Variants in INVS observed in about 807,000 individuals in gnomAD.
INVS encodes the protein inversion of embryo turning homolog.
Under a neutral mutation model 108.8 loss-of-function variants are expected in INVS, and 86 were observed. That is an observed-to-expected ratio of 0.79 (90% CI 0.66 to 0.95). The LOEUF is 0.95. Ranked by LOEUF, INVS falls within the 40% of genes least tolerant of loss-of-function variation. The probability of loss-of-function intolerance (pLI) is 0.00; values close to 1 mark genes in which losing one functional copy is unlikely to be tolerated. For synonymous variants in INVS, 455 were observed against 473.5 expected (o/e 0.96, Z 0.51); for missense variants, 1,169 against 1,297.4 (o/e 0.90, Z 1.52).
intron 3 of INVS, among the ~76,000 whole-genome samples, chr9:100,162,996 G>A (rs1262087803): frequency 6.6e-6 from 1 of 152,084 alleles, no homozygotes; most frequent in Non-Finnish European, 1.5e-5. Flanking sequence ...CACAATGTCT[G>A]TTGGACACTT....
At chr9:100,148,545 C>G (rs756778246) in intron 3 of INVS, among the ~76,000 whole-genome samples, 8 of 152,136 alleles carry the variant, frequency 5.3e-5, no homozygotes, top group Non-Finnish European at 1.0e-4. Flanking sequence ...AAGCACCAGA[C>G]AAATTACTCT....
At chr9:100,175,460 G>C in intron 3 of INVS, 3 of 878,408 alleles carry the variant, frequency 3.4e-6, no homozygotes, top group Non-Finnish European at 1.9e-6. Flanking sequence ...CCACCCAGCT[G>C]TGTGTACTCA....
chr9:100,170,393 C>CAA (rs10585469), intron 3 of INVS, among the ~76,000 whole-genome samples: 2 of 122,778 alleles, frequency 1.6e-5, no homozygotes, highest in African/African-American at 3.0e-5. Flanking sequence ...CCTGTCTGTA[C>CAA]AAAAAAAAAA....
chr9:100,171,695 C>CCACT (rs1337110776), intron 3 of INVS, among the ~76,000 whole-genome samples: 1 of 152,106 alleles, frequency 6.6e-6, no homozygotes, highest in African/African-American at 2.4e-5. Flanking sequence ...AACTAACTCA[C>CCACT]CACTGCCCTT....
chr9:100,129,540 A>T, intron 3 of INVS: 1 of 467,232 alleles, frequency 2.1e-6, no homozygotes, highest in Non-Finnish European at 3.9e-6. Flanking sequence ...AAAACAAGGA[A>T]TCAGAAAAAT....
intron 3 of INVS, among the ~76,000 whole-genome samples, chr9:100,194,666 G>A (rs1830321487): frequency 6.6e-6 from 1 of 152,018 alleles, no homozygotes; most frequent in Non-Finnish European, 1.5e-5. Flanking sequence ...TAGGAAGAAA[G>A]CATGTAGTAT....
intron 3 of INVS, among the ~76,000 whole-genome samples, chr9:100,219,194 A>G (rs1831070679): frequency 6.6e-6 from 1 of 152,218 alleles, no homozygotes; most frequent in Admixed American, 6.5e-5. Context: ...CAGTAAGAAA[A>G]AAAAACAAAT....
At chr9:100,182,533 A>C (rs1042709141) in intron 3 of INVS, among the ~76,000 whole-genome samples, 2 of 152,220 alleles carry the variant, frequency 1.3e-5, no homozygotes, top group African/African-American at 4.8e-5. Flanking sequence ...AAAAAAGCTC[A>C]TCATCACTAG....
chr9:100,153,226 A>G (rs1828864565), intron 3 of INVS, among the ~76,000 whole-genome samples: 3 of 151,492 alleles, frequency 2.0e-5, no homozygotes, highest in Admixed American at 1.3e-4. Context: ...AGTGATAAGA[A>G]AGACTTTTTC....
chr9:100,162,178 C>A (rs1035517167), intron 3 of INVS, among the ~76,000 whole-genome samples: 2 of 152,162 alleles, frequency 1.3e-5, no homozygotes, highest in Non-Finnish European at 2.9e-5. Flanking sequence ...GATTTCCTTT[C>A]CTGAAATATT....
intron 2 of INVS, chr9:100,117,105 G>C (rs1174939492): frequency 1.7e-6 from 2 of 1,193,534 alleles, no homozygotes; most frequent in Non-Finnish European, 1.2e-6. Context: ...ACGGTGTGGG[G>C]CTTGCCGATC....
chr9:100,120,682 C>T (rs1827701405), intron 2 of INVS: 1 of 152,206 alleles, frequency 6.6e-6, no homozygotes, highest in African/African-American at 2.4e-5. Flanking sequence ...CTCTGATGTC[C>T]TGGAAGGTCT....
intron 2 of INVS, among the ~76,000 whole-genome samples, chr9:100,114,420 G>C (rs188095502): frequency 8.2e-4 from 39 of 47,706 alleles, no homozygotes; most frequent in African/African-American, 2.7e-3. Flanking sequence ...TTTTTTTTTT[G>C]AGACAGAGTC....
intron 8 of INVS, among the ~76,000 whole-genome samples, chr9:100,247,099 C>G (rs1832070006): frequency 6.6e-6 from 1 of 151,356 alleles, no homozygotes; most frequent in South Asian, 2.1e-4. Context: ...AAAAAAAAAC[C>G]TACACTTTAA....
intron 2 of INVS, among the ~76,000 whole-genome samples, chr9:100,105,818 T>A (rs1247423539): frequency 2.0e-5 from 3 of 151,818 alleles, no homozygotes; most frequent in African/African-American, 7.3e-5. Flanking sequence ...ATTCTATGTC[T>A]GTTATTAAAA....
chr9:100,157,622 T>C (rs1322936658), intron 3 of INVS, among the ~76,000 whole-genome samples: 1 of 152,136 alleles, frequency 6.6e-6, no homozygotes, highest in Non-Finnish European at 1.5e-5. Flanking sequence ...GTTTAAATTA[T>C]AGGAAAACAT....
At chr9:100,274,131 G>A (rs540500370) in intron 12 of INVS, among the ~76,000 whole-genome samples, 1 of 152,134 alleles carries the variant, frequency 6.6e-6, no homozygotes, top group Admixed American at 6.5e-5. Context: ...GCCAAGGCAG[G>A]CGGATCACTT....
At chr9:100,213,863 A>G (rs1228553364) in intron 3 of INVS, among the ~76,000 whole-genome samples, 1 of 152,108 alleles carries the variant, frequency 6.6e-6, no homozygotes, top group Non-Finnish European at 1.5e-5. Context: ...GCTTGTTGCA[A>G]ACACAACCCT....
chr9:100,203,849 C>T (rs1830602168), intron 3 of INVS, among the ~76,000 whole-genome samples: 2 of 152,076 alleles, frequency 1.3e-5, no homozygotes, highest in Admixed American at 1.3e-4. Flanking sequence ...GTCCCATGGT[C>T]AGATAAGTGT....
Sources: gnomAD v4.1 joint callset for allele counts (sites outside exome capture counted in the v4.1 genomes callset) on GRCh38, gnomAD v4.1.1 for gene constraint, MANE v1.5 for transcripts, NCBI Gene and HGNC (gene_info 2026-07-23, HGNC 2026-07-21) for gene names.